The following ZFTRAF1 variants were observed in gnomAD, a reference collection of about 807,000 sequenced individuals.
The protein encoded by ZFTRAF1 is zinc finger TRAF-type-containing protein 1.
chr8:144,461,792 C>T, the ZFTRAF1 span, among the ~76,000 whole-genome samples: 9 of 152,150 alleles, frequency 5.9e-5, no homozygotes, highest in African/African-American at 2.2e-4. Context: ...AAGGAGGCGT[C>T]CATAGGATGT....
the ZFTRAF1 span, chr8:144,451,086 C>CAGGGTCAGAACAGCATCTGACGCA: frequency 6.2e-6 from 2 of 324,244 alleles, no homozygotes; most frequent in Non-Finnish European, 1.2e-5. Flanking sequence ...CCCGGGTGTC[C>CAGGGTCAGAACAGCATCTGACGCA]CCCAGGGCGG....
the ZFTRAF1 span, chr8:144,451,058 T>C: frequency 2.7e-6 from 1 of 375,508 alleles, no homozygotes; most frequent in Non-Finnish European, 4.9e-6. Context: ...CACGCTGGCC[T>C]CCCTCACCGC....
the ZFTRAF1 span, among the ~76,000 whole-genome samples, chr8:144,459,595 G>A: frequency 0.51 from 78,102 of 152,206 alleles, 20,409 homozygotes; most frequent in Middle Eastern, 0.62. Context: ...CAGACCTGGG[G>A]CACCACCCGA....
chr8:144,462,425 G>C, the ZFTRAF1 span: 1 of 325,424 alleles, frequency 3.1e-6, no homozygotes, highest in Non-Finnish European at 5.4e-6. Context: ...CCGCTTCTTG[G>C]GCGGCGCGTC....
At chr8:144,454,394 T>G in the ZFTRAF1 span, 1 of 152,330 alleles carries the variant, frequency 6.6e-6, no homozygotes, top group Non-Finnish European at 1.5e-5. Flanking sequence ...GCAGACACAG[T>G]TCCCACAGCC....
chr8:144,459,709 C>T, the ZFTRAF1 span, among the ~76,000 whole-genome samples: 26 of 152,238 alleles, frequency 1.7e-4, no homozygotes, highest in Non-Finnish European at 3.1e-4. Flanking sequence ...TCCCCCACAG[C>T]CCCAGTGCCA....
At chr8:144,461,870 G>A in the ZFTRAF1 span, among the ~76,000 whole-genome samples, 226 of 152,292 alleles carry the variant, frequency 1.5e-3, 1 homozygote, top group African/African-American at 5.2e-3. Context: ...CTCGAGCACA[G>A]GACTCTGAGC....
chr8:144,458,282 G>A, the ZFTRAF1 span, among the ~76,000 whole-genome samples: 1 of 152,332 alleles, frequency 6.6e-6, no homozygotes, highest in East Asian at 1.9e-4. Flanking sequence ...TTCAGAACAA[G>A]GCTGCTTAGA....
chr8:144,460,874 A>C, the ZFTRAF1 span, among the ~76,000 whole-genome samples: 1 of 152,064 alleles, frequency 6.6e-6, no homozygotes, highest in Non-Finnish European at 1.5e-5. Flanking sequence ...ACAGAGTGAG[A>C]CTCCGTCTCA....
At chr8:144,452,790 G>A in the ZFTRAF1 span, among the ~76,000 whole-genome samples, 1 of 152,366 alleles carries the variant, frequency 6.6e-6, no homozygotes, top group South Asian at 2.1e-4. Context: ...GCAAGCTTGA[G>A]CCTGTGTGCC....
At chr8:144,453,530 C>A in the ZFTRAF1 span, 1 of 1,368,462 alleles carries the variant, frequency 7.3e-7, no homozygotes, top group Non-Finnish European at 1.0e-6. Flanking sequence ...CCGCCCATGC[C>A]CATCAGCTCC....
At chr8:144,455,682 A>G in the ZFTRAF1 span, 1 of 152,288 alleles carries the variant, frequency 6.6e-6, no homozygotes, top group Non-Finnish European at 1.5e-5. Context: ...TAGCACAGGC[A>G]AAACAGCACT....
chr8:144,450,191 C>T, the ZFTRAF1 span: 114 of 574,054 alleles, frequency 2.0e-4, no homozygotes, highest in Middle Eastern at 9.3e-4. Flanking sequence ...AGGCAGGGGT[C>T]GGGGGGGTGA....
chr8:144,450,314 A>G, the ZFTRAF1 span: 1 of 674,894 alleles, frequency 1.5e-6, no homozygotes, highest in Non-Finnish European at 2.8e-6. Flanking sequence ...GCTGCCAGCC[A>G]GGTGGACAGG....
the ZFTRAF1 span, chr8:144,451,959 C>T: frequency 3.3e-6 from 1 of 304,198 alleles, no homozygotes; most frequent in South Asian, 3.1e-5. Flanking sequence ...GCAGGGTGCT[C>T]TTCTTGCCCC....
the ZFTRAF1 span, chr8:144,450,887 C>A: frequency 6.7e-6 from 4 of 600,606 alleles, 1 homozygote; most frequent in South Asian, 8.0e-5. Flanking sequence ...GCAACTTACC[C>A]GGACACCGGG....
At chr8:144,456,439 A>G in the ZFTRAF1 span, 1 of 152,376 alleles carries the variant, frequency 6.6e-6, no homozygotes, top group Non-Finnish European at 1.5e-5. Flanking sequence ...CACCCAACAG[A>G]AGCTGGGCCC....
the ZFTRAF1 span, chr8:144,457,924 GGTC>G: frequency 1.3e-5 from 2 of 152,402 alleles, no homozygotes; most frequent in African/African-American, 2.4e-5. Flanking sequence ...CCTTGACAGA[GGTC>G]GTCAGAGCCA....
At chr8:144,460,828 G>C in the ZFTRAF1 span, among the ~76,000 whole-genome samples, 3 of 152,220 alleles carry the variant, frequency 2.0e-5, no homozygotes, top group Admixed American at 6.5e-5. Context: ...AGGTTGCAGT[G>C]AGCAGAGATC....
Sources: gnomAD v4.1 joint callset for allele counts (sites outside exome capture counted in the v4.1 genomes callset) on GRCh38, gnomAD v4.1.1 for gene constraint, MANE v1.5 for transcripts, NCBI Gene and HGNC (gene_info 2026-07-23, HGNC 2026-07-21) for gene names.